Variants in MGST1 observed in about 807,000 individuals in gnomAD.
The protein encoded by MGST1 is microsomal glutathione S-transferase 1.
MGST1 carries 5 observed loss-of-function variants against 8.9 expected under a neutral mutation model. That is an observed-to-expected ratio of 0.56 (90% CI 0.29 to 1.19). MGST1 has a LOEUF of 1.19. Ranked by LOEUF, MGST1 falls within the 50% of genes most tolerant of loss-of-function variation. The probability of loss-of-function intolerance (pLI) is 0.08; values close to 1 mark genes in which losing one functional copy is unlikely to be tolerated. For synonymous variants in MGST1, 54 were observed against 67.8 expected (o/e 0.80, Z 1.00); for missense variants, 182 against 187.4 (o/e 0.97, Z 0.17).
At chr12:16,390,039 G>A (rs1237377351) in intron 1 of MGST1, among the ~76,000 whole-genome samples, 1 of 152,178 alleles carries the variant, frequency 6.6e-6, no homozygotes, top group Non-Finnish European at 1.5e-5. Flanking sequence ...CATTTATGTG[G>A]CAAGCGCTCC....
rs1941823542 is a variant in MGST1 at position 16,546,324 on chromosome 12, T to C, written n.483-43204T>C. 2.0e-5 allele frequency among the ~76,000 whole-genome samples: 3 copies of C among 152,106 alleles called. No homozygotes were observed. Among genetic ancestry groups the C allele is most frequent in the Non-Finnish European group, 4.4e-5 (3 of 67,992 alleles). On this transcript the variant is annotated intron_variant and non_coding_transcript_variant, in intron 4 of 4. Transcript: ENST00000538857. The surrounding 1 kb of genome is among the most constrained non-coding windows in gnomAD (Gnocchi z 4.7). ...ACTATGGCCACTAAATTTGGTATAGTTAATGCCAACCACTTTGCCCGTAAA... is the reference window on the plus strand; with the variant it reads ...ACTATGGCCACTAAATTTGGTATAGCTAATGCCAACCACTTTGCCCGTAAA...
intron 1 of MGST1, among the ~76,000 whole-genome samples, chr12:16,404,912 T>G (rs1940687088): frequency 6.7e-6 from 1 of 150,132 alleles, no homozygotes; most frequent in Admixed American, 6.6e-5. Flanking sequence ...CTCTCTCGGT[T>G]TTTGTCTTCT....
chr12:16,448,150 A>G (rs1941096918), intron 4 of MGST1, among the ~76,000 whole-genome samples: 2 of 151,966 alleles, frequency 1.3e-5, no homozygotes, highest in Admixed American at 1.3e-4. Context: ...TTGAAAGGAC[A>G]ATGAGTACGA....
chr12:16,551,414 T>C, intron 4 of MGST1: 1 of 789,346 alleles, frequency 1.3e-6, no homozygotes, highest in South Asian at 1.5e-5. Context: ...ATTAATAGTT[T>C]CGCATGGTAA....
intron 4 of MGST1, among the ~76,000 whole-genome samples, chr12:16,448,603 A>G (rs1374633302): frequency 6.6e-6 from 1 of 151,990 alleles, no homozygotes; most frequent in East Asian, 1.9e-4. Context: ...TTCTCCATAA[A>G]CACACTTTTA....
In MGST1 at chr12:16,513,466, C is replaced by A; in HGVS notation, n.483-76062C>A. ...TCCACCCGGGCTCGCCTCTGATGCC[C>A]CTGCCAGAGCCAGCTCCTGGTGGAC... On this transcript the variant is annotated intron_variant and non_coding_transcript_variant, in intron 4 of 4. Coordinates refer to the MGST1 transcript ENST00000538857. The surrounding 1 kb of genome is among the most constrained non-coding windows in gnomAD (Gnocchi z 4.2). 1 of 433,264 alleles carries A rather than the reference C, an allele frequency of 2.3e-6. No homozygotes were observed. Among genetic ancestry groups the A allele is most frequent in the Non-Finnish European group, 4.6e-6 (1 of 218,280 alleles). The allele number at this position is 433,264 out of a possible 1,614,324, so 26.8% of individuals were successfully genotyped here.
intron 4 of MGST1, among the ~76,000 whole-genome samples, chr12:16,463,670 C>A (rs552609423): frequency 6.6e-6 from 1 of 151,656 alleles, no homozygotes; most frequent in Non-Finnish European, 1.5e-5. Flanking sequence ...ATATTTTGCT[C>A]TTAAAAATAG....
chr12:16,530,090 C>G (rs796503668), intron 4 of MGST1, among the ~76,000 whole-genome samples: 17 of 152,150 alleles, frequency 1.1e-4, no homozygotes, highest in African/African-American at 4.1e-4. Flanking sequence ...CAGATCTGAT[C>G]TATGTTTCAC....
chr12:16,577,333 T>C (rs1229026206), intron 4 of MGST1, among the ~76,000 whole-genome samples: 2 of 152,318 alleles, frequency 1.3e-5, no homozygotes, highest in East Asian at 3.9e-4. Flanking sequence ...CCATCTCTTA[T>C]CACAATTCTT....
chr12:16,524,043 T>C (rs534569665), intron 4 of MGST1, among the ~76,000 whole-genome samples: 2 of 152,256 alleles, frequency 1.3e-5, no homozygotes, highest in South Asian at 4.1e-4. Context: ...ACATTTGCTT[T>C]GTAAACATTT....
intron 4 of MGST1, among the ~76,000 whole-genome samples, chr12:16,472,579 AATG>A (rs1487983425): frequency 6.6e-6 from 1 of 152,098 alleles, no homozygotes; most frequent in Non-Finnish European, 1.5e-5. Context: ...CAGCCTCCAG[AATG>A]ATAATATGTT....
Position 16,589,252 on chromosome 12 carries a change from C to G in MGST1, n.483-276C>G, listed in dbSNP as rs1203459032. ...TATAACAACAGTAGATGAATGCATC[C>G]TAATAGGAATACATAAGTTATCTGC... On this transcript the variant is annotated intron_variant and non_coding_transcript_variant, in intron 4 of 4. Coordinates refer to the MGST1 transcript ENST00000538857. The surrounding 1 kb of genome is among the most constrained non-coding windows in gnomAD (Gnocchi z 4.2). Among the ~76,000 whole-genome samples, 1 of 151,944 alleles carries G rather than the reference C, an allele frequency of 6.6e-6. No homozygotes were observed. Among genetic ancestry groups the G allele is most frequent in the Non-Finnish European group, 1.5e-5 (1 of 67,966 alleles).
rs909414859 is a variant in MGST1 at position 16,589,490 on chromosome 12, T to C, written n.483-38T>C. ...TTAGGAAGGAAAAATTTAAGAAAAA[T>C]TAATTTAAAATCTCCTGAAAAATTA... On this transcript the variant is annotated intron_variant and non_coding_transcript_variant, in intron 4 of 4. Coordinates refer to the MGST1 transcript ENST00000538857. The surrounding 1 kb of genome is among the most constrained non-coding windows in gnomAD (Gnocchi z 4.2). 2 of 152,010 alleles carry C rather than the reference T, an allele frequency of 1.3e-5. No individual in the cohort carries two copies. The highest frequency in any genetic ancestry group is 2.9e-5 in the Non-Finnish European group (2 of 67,990). 9.4% of individuals were successfully genotyped at this position (152,010 alleles called of 1,614,324 possible).
At chr12:16,485,093 T>A (rs1305061085) in intron 4 of MGST1, among the ~76,000 whole-genome samples, 1 of 152,236 alleles carries the variant, frequency 6.6e-6, no homozygotes, top group Non-Finnish European at 1.5e-5. Flanking sequence ...TTCCCTCAGC[T>A]GTCATTTACT....
At chr12:16,581,520 C>G (rs1031401373) in intron 4 of MGST1, among the ~76,000 whole-genome samples, 1 of 152,106 alleles carries the variant, frequency 6.6e-6, no homozygotes, top group African/African-American at 2.4e-5. Context: ...ACTGCTGGAG[C>G]CTCAGTTCCT....
In MGST1 at chr12:16,555,647, T is replaced by C. The variant is rs902236045; in HGVS notation, n.483-33881T>C. On this transcript the variant is annotated intron_variant and non_coding_transcript_variant, in intron 4 of 4. Transcript: ENST00000538857. This position sits in a 1 kb window ranked among gnomAD's most constrained non-coding sequence, Gnocchi z 5.5. ...TCAAAGACTAAGTTTACAATTTCAT[T>C]TCCTCTAGGTGCTTGCTCTCTTTCT... 1.3e-5 allele frequency among the ~76,000 whole-genome samples: 2 copies of C among 152,214 alleles called. No homozygotes were observed. Among genetic ancestry groups the C allele is most frequent in the Non-Finnish European group, 2.9e-5 (2 of 68,036 alleles).
chr12:16,454,708 G>T (rs1941156517), intron 4 of MGST1, among the ~76,000 whole-genome samples: 1 of 151,722 alleles, frequency 6.6e-6, no homozygotes, highest in African/African-American at 2.4e-5. Flanking sequence ...AGTCAGAGAT[G>T]AATCATTTTA....
intron 4 of MGST1, among the ~76,000 whole-genome samples, chr12:16,456,994 G>T (rs532438877): frequency 1.9e-4 from 29 of 151,914 alleles, no homozygotes; most frequent in African/African-American, 6.0e-4. Context: ...CTAAATGCAC[G>T]CGTGTCCTAA....
intron 4 of MGST1, among the ~76,000 whole-genome samples, chr12:16,510,232 A>G (rs1941567883): frequency 6.6e-6 from 1 of 152,216 alleles, no homozygotes; most frequent in Admixed American, 6.5e-5. Flanking sequence ...AGGAGATATG[A>G]CCTTATTTAG....
Sources: gnomAD v4.1 joint callset for allele counts (sites outside exome capture counted in the v4.1 genomes callset) on GRCh38, gnomAD v4.1.1 for gene constraint, Gnocchi (gnomAD v3.1) non-coding constraint, MANE v1.5 for transcripts, NCBI Gene and HGNC (gene_info 2026-07-23, HGNC 2026-07-21) for gene names.